The following MAP4 variants were observed in gnomAD, a reference collection of about 807,000 sequenced individuals.
MAP4 encodes the protein microtubule associated protein 4.
MAP4 carries 76 observed loss-of-function variants against 170.2 expected under a neutral mutation model. That is an observed-to-expected ratio of 0.45 (90% confidence interval 0.37 to 0.54). The LOEUF is 0.54. MAP4 is among the 20% of genes least tolerant of loss of function. The pLI is 0.00. For synonymous variants in MAP4, 909 were observed against 994.5 expected, an observed-to-expected ratio of 0.91 and a Z score of 1.62; for missense variants, 2,506 against 2,748.0, an observed-to-expected ratio of 0.91 and a Z score of 1.97.
At chr3:48,086,621 G>C (rs2100149212) in intron 1 of MAP4, among the ~76,000 whole-genome samples, 1 of 152,154 alleles carries the variant, frequency 6.6e-6, no homozygotes, top group South Asian at 2.1e-4. Flanking sequence ...GGGCGACAGA[G>C]CAAGACCCTG....
intron 17 of MAP4, among the ~76,000 whole-genome samples, chr3:47,863,662 T>C (rs755696977): frequency 4.0e-5 from 6 of 151,810 alleles, no homozygotes; most frequent in Non-Finnish European, 8.8e-5. Flanking sequence ...CCACTACACA[T>C]GCACAGCCCC....
At chr3:47,982,144 T>C (rs1211339008) in intron 2 of MAP4, among the ~76,000 whole-genome samples, 2 of 151,866 alleles carry the variant, frequency 1.3e-5, no homozygotes, top group African/African-American at 4.8e-5. Flanking sequence ...ACAAATAGGA[T>C]TAAGTGAAAA....
chr3:48,034,716 A>AT (rs2100117918), intron 1 of MAP4, among the ~76,000 whole-genome samples: 1 of 151,444 alleles, frequency 6.6e-6, no homozygotes, highest in African/African-American at 2.4e-5. Context: ...AAAATAAAAA[A>AT]TTTTTTTTCA....
chr3:48,082,797 C>CAAAAAAAAAA (rs1294638726), intron 1 of MAP4, among the ~76,000 whole-genome samples: 2 of 49,032 alleles, frequency 4.1e-5, no homozygotes, highest in Non-Finnish European at 4.3e-5. Flanking sequence ...GACTTTGTCT[C>CAAAAAAAAAA]AAAAAAAAAA....
At chr3:47,873,813 A>G (rs2094331680) in intron 12 of MAP4, among the ~76,000 whole-genome samples, 1 of 152,252 alleles carries the variant, frequency 6.6e-6, no homozygotes, top group Non-Finnish European at 1.5e-5. Context: ...TGAGGGTAAT[A>G]ATGATAAAAT....
intron 10 of MAP4, chr3:47,892,288 A>G: frequency 6.5e-7 from 1 of 1,536,276 alleles, no homozygotes; most frequent in Non-Finnish European, 8.7e-7. Context: ...GGAAGCTGGC[A>G]TTCTTCACAA....
intron 3 of MAP4, among the ~76,000 whole-genome samples, chr3:47,970,384 C>G (rs2100077887): frequency 6.6e-6 from 1 of 152,020 alleles, no homozygotes; most frequent in Non-Finnish European, 1.5e-5. Flanking sequence ...ACTTGGGAGG[C>G]TGAGGCAGGA....
intron 3 of MAP4, among the ~76,000 whole-genome samples, chr3:47,976,967 C>T (rs964564433): frequency 6.6e-6 from 1 of 152,182 alleles, no homozygotes; most frequent in Non-Finnish European, 1.5e-5. Context: ...CACAGAAGGG[C>T]TTCTCATAGC....
At chr3:47,869,100 G>A (rs1468041734) in intron 16 of MAP4, 114 bp downstream of exon 16, 3 of 797,620 alleles carry the variant, frequency 3.8e-6, no homozygotes, top group Non-Finnish European at 6.4e-6. Context: ...TAGGGGAGAA[G>A]AAGTAGAAAC....
chr3:48,030,820 A>G (rs2100115690), intron 1 of MAP4, among the ~76,000 whole-genome samples: 1 of 151,106 alleles, frequency 6.6e-6, no homozygotes, highest in African/African-American at 2.4e-5. Context: ...AAAAAAAAAA[A>G]AAAAGATAGG....
intron 1 of MAP4, among the ~76,000 whole-genome samples, chr3:48,021,418 G>C (rs1465199973): frequency 2.0e-5 from 3 of 151,898 alleles, no homozygotes; most frequent in African/African-American, 4.8e-5. Flanking sequence ...CATGATCTTG[G>C]CTCACTGCAA....
At chr3:47,995,661 GT>G (rs1021515796) in intron 2 of MAP4, among the ~76,000 whole-genome samples, 2 of 151,988 alleles carry the variant, frequency 1.3e-5, no homozygotes, top group Non-Finnish European at 2.9e-5. Flanking sequence ...AAGGAAGCAG[GT>G]TTTCTTCTTC....
At chr3:47,858,304 C>T (rs763912995) in intron 17 of MAP4, among the ~76,000 whole-genome samples, 12 of 152,130 alleles carry the variant, frequency 7.9e-5, no homozygotes, top group Non-Finnish European at 1.5e-4. Context: ...TGAGCCACCA[C>T]GCCCGGCCAC....
At chr3:48,053,636 T>G (rs1359462596) in intron 1 of MAP4, among the ~76,000 whole-genome samples, 2 of 152,212 alleles carry the variant, frequency 1.3e-5, no homozygotes, top group African/African-American at 4.8e-5. Flanking sequence ...CTCTAGTATA[T>G]AAGTGATGTC....
intron 3 of MAP4, among the ~76,000 whole-genome samples, chr3:47,944,275 A>C (rs1301050988): frequency 1.3e-5 from 2 of 152,060 alleles, no homozygotes; most frequent in African/African-American, 4.8e-5. Flanking sequence ...ACGTCACTGC[A>C]CTCCAGCCTG....
chr3:48,085,124 CCT>C, intron 1 of MAP4, among the ~76,000 whole-genome samples: 1 of 151,168 alleles, frequency 6.6e-6, no homozygotes, highest in East Asian at 1.9e-4. Context: ...TCAAAATGTT[CCT>C]CTCAGATTTT....
intron 10 of MAP4, among the ~76,000 whole-genome samples, chr3:47,893,226 C>T (rs1327417832): frequency 6.6e-6 from 1 of 152,176 alleles, no homozygotes; most frequent in Non-Finnish European, 1.5e-5. Context: ...CATTTAAAGA[C>T]TTCAGTGATC....
chr3:47,912,526 G>A (rs1263797515), intron 8 of MAP4, 105 bp from the exon 9 acceptor site: 14 of 1,033,190 alleles, frequency 1.4e-5, no homozygotes, highest in Non-Finnish European at 1.6e-5. Context: ...ATTTAAGGAG[G>A]CTATTTTCAC....
chr3:48,038,827 G>A (rs1056487621), intron 1 of MAP4, among the ~76,000 whole-genome samples: 1 of 151,968 alleles, frequency 6.6e-6, no homozygotes, highest in Non-Finnish European at 1.5e-5. Flanking sequence ...GTAGGCCAAG[G>A]GCGATGGCTC....
Sources: gnomAD v4.1 joint callset for allele counts (sites outside exome capture counted in the v4.1 genomes callset) on GRCh38, gnomAD v4.1.1 for gene constraint, MANE v1.5 for transcripts, NCBI Gene and HGNC (gene_info 2026-07-23, HGNC 2026-07-21) for gene names.